Variants in TSHZ2 observed in about 807,000 individuals in gnomAD.
TSHZ2 encodes teashirt homolog 2.
In TSHZ2, 21 loss-of-function variants were observed where a neutral mutation model predicts 74.4. The observed-to-expected ratio is 0.28, with a 90% confidence interval of 0.20 to 0.41. The LOEUF (loss-of-function observed/expected upper bound fraction) is 0.41. Among genes scored for constraint, TSHZ2 ranks in the 10% least tolerant of loss-of-function variants. TSHZ2 has a pLI of 1.00. For synonymous variants in TSHZ2, 540 were observed against 515.3 expected (o/e 1.05, Z -0.65); for missense variants, 1,244 against 1,293.5 (o/e 0.96, Z 0.59).
intron 2 of TSHZ2, among the ~76,000 whole-genome samples, chr20:53,371,775 C>T (rs955238435): frequency 6.6e-6 from 1 of 151,140 alleles, no homozygotes; most frequent in Non-Finnish European, 1.5e-5. Flanking sequence ...ACTCCAGAGG[C>T]TGAGGTACAA....
intron 1 of TSHZ2, among the ~76,000 whole-genome samples, chr20:53,125,321 G>T (rs1181872098): frequency 6.6e-6 from 1 of 152,178 alleles, no homozygotes; most frequent in African/African-American, 2.4e-5. Flanking sequence ...ATCTCTCCTG[G>T]TTACCCGCTG....
intron 2 of TSHZ2, among the ~76,000 whole-genome samples, chr20:53,477,976 T>C (rs74175969): frequency 0.025 from 2,924 of 116,498 alleles, 73 homozygotes; most frequent in Middle Eastern, 0.051. Context: ...TATCTCACAC[T>C]AGTTAGAATG....
chr20:53,161,208 A>G (rs1384637565), intron 1 of TSHZ2, among the ~76,000 whole-genome samples: 4 of 149,494 alleles, frequency 2.7e-5, no homozygotes, highest in African/African-American at 9.9e-5. Context: ...AGAGCTCATT[A>G]TTGAGGAAAA....
In TSHZ2 at chr20:53,256,678, G is replaced by A; in HGVS notation, c.*8+107G>A. On this transcript the variant is annotated intron_variant, in intron 2 of 2. Coordinates refer to ENST00000371497, the MANE Select transcript of TSHZ2 (RefSeq NM_173485.6). The surrounding 1 kb of genome is among the most constrained non-coding windows in gnomAD (Gnocchi z 4.3). ...GCATCTCCCAATGCCAAGCAGGATA[G>A]TAGCTTGCTGGAGTAGGATTTATTT... The A allele has an allele frequency of 4.9e-6, 7 of 1,439,838 alleles. No homozygotes were observed. Among genetic ancestry groups the A allele is most frequent in the Non-Finnish European group, 6.4e-6 (7 of 1,092,872 alleles). The allele number at this position is 1,439,838 out of a possible 1,614,324, so 89.2% of individuals were successfully genotyped here.
chr20:53,179,881 G>A (rs1401785779), intron 1 of TSHZ2, among the ~76,000 whole-genome samples: 1 of 152,142 alleles, frequency 6.6e-6, no homozygotes, highest in African/African-American at 2.4e-5. Flanking sequence ...CACCAAAGTC[G>A]ATTTACGTGC....
chr20:53,198,231 G>A (rs1988919599), intron 1 of TSHZ2: 1 of 152,204 alleles, frequency 6.6e-6, no homozygotes, highest in Non-Finnish European at 1.5e-5. Flanking sequence ...TGTCTCTGGA[G>A]CCCAGTTAAG....
intron 2 of TSHZ2, among the ~76,000 whole-genome samples, chr20:53,366,554 C>T (rs1330260055): frequency 6.6e-6 from 1 of 152,158 alleles, no homozygotes; most frequent in Non-Finnish European, 1.5e-5. Flanking sequence ...GAAAGCGGGT[C>T]AACCTCTGCA....
At chr20:53,217,123 T>G (rs1179282856) in intron 1 of TSHZ2, among the ~76,000 whole-genome samples, 1 of 152,186 alleles carries the variant, frequency 6.6e-6, no homozygotes. Context: ...TATCGATGGA[T>G]GAGTAATTGC....
intron 2 of TSHZ2, among the ~76,000 whole-genome samples, chr20:53,413,670 T>C (rs752859459): frequency 2.6e-5 from 4 of 152,196 alleles, no homozygotes; most frequent in Non-Finnish European, 4.4e-5. Flanking sequence ...TTTCCATCCA[T>C]TGGAATTGCA....
intron 2 of TSHZ2, among the ~76,000 whole-genome samples, chr20:53,364,079 A>G (rs939560004): frequency 6.6e-6 from 1 of 152,108 alleles, no homozygotes; most frequent in Non-Finnish European, 1.5e-5. Context: ...AGGACTGGAG[A>G]TGAGGGTGGT....
chr20:53,474,180 A>G (rs1241862505), intron 2 of TSHZ2, among the ~76,000 whole-genome samples: 4 of 148,880 alleles, frequency 2.7e-5, no homozygotes, highest in Non-Finnish European at 4.4e-5. Flanking sequence ...CTCCTCGAGA[A>G]GAGCAACTCC....
intron 2 of TSHZ2, among the ~76,000 whole-genome samples, chr20:53,434,674 C>T (rs1462010058): frequency 2.0e-5 from 3 of 152,212 alleles, no homozygotes; most frequent in Non-Finnish European, 4.4e-5. Flanking sequence ...CCAAACAGAA[C>T]TTAGGAAGTC....
At chr20:53,321,166 G>GA (rs1979244567) in intron 2 of TSHZ2, among the ~76,000 whole-genome samples, 2 of 152,272 alleles carry the variant, frequency 1.3e-5, no homozygotes, top group Admixed American at 1.3e-4. Context: ...TTAGAAAAAT[G>GA]AAAATATCCT....
At chr20:53,209,883 A>C (rs1434132036) in intron 1 of TSHZ2, among the ~76,000 whole-genome samples, 8 of 151,336 alleles carry the variant, frequency 5.3e-5, no homozygotes, top group Admixed American at 6.6e-5. Context: ...TGGCACAGAG[A>C]AGACGACAGA....
chr20:53,349,047 G>A lies in TSHZ2; in HGVS notation c.*8+92476G>A, dbSNP rs182691566. Among the ~76,000 whole-genome samples the A allele has an allele frequency of 2.4e-3, 369 of 152,308 alleles. 2 individuals are homozygous for A. The highest frequency in any genetic ancestry group is 8.4e-3 in the African/African-American group (350 of 41,564). ...TAAGGGGCTGCTGGCTTTGTTCAAA[G>A]GCTAAAATCTCTCTGCAAAGCCCAG... On this transcript the variant is annotated intron_variant, in intron 2 of 2. Transcript: ENST00000371497.
chr20:53,150,370 C>T (rs1987647029), intron 1 of TSHZ2, among the ~76,000 whole-genome samples: 1 of 152,182 alleles, frequency 6.6e-6, no homozygotes, highest in African/African-American at 2.4e-5. Context: ...AACCAGGGAT[C>T]TGCAAACTAC....
intron 2 of TSHZ2, among the ~76,000 whole-genome samples, chr20:53,326,142 G>A (rs766526149): frequency 4.3e-4 from 66 of 152,150 alleles, no homozygotes; most frequent in Non-Finnish European, 7.5e-4. Context: ...CCTCTTTCTC[G>A]GCTTTATGCT....
chr20:53,152,458 T>C (rs1256475218), intron 1 of TSHZ2, among the ~76,000 whole-genome samples: 2 of 152,196 alleles, frequency 1.3e-5, no homozygotes, highest in Non-Finnish European at 2.9e-5. Flanking sequence ...ATTCTAACCC[T>C]GACCCTAATC....
chr20:53,370,070 C>T (rs1362135752), intron 2 of TSHZ2, among the ~76,000 whole-genome samples: 2 of 151,974 alleles, frequency 1.3e-5, no homozygotes, highest in Admixed American at 6.6e-5. Context: ...GTCACGGTGT[C>T]GTAGGAAGTT....
Sources: allele counts gnomAD v4.1 joint callset (sites outside exome capture counted in the v4.1 genomes callset), GRCh38; gene constraint gnomAD v4.1.1; non-coding constraint Gnocchi (gnomAD v3.1); transcripts MANE v1.5; gene names NCBI Gene and HGNC (gene_info 2026-07-23, HGNC 2026-07-21).